Variants in HS6ST3 observed in about 807,000 individuals in gnomAD.
HS6ST3 encodes heparan-sulfate 6-O-sulfotransferase 3.
In HS6ST3, 12 loss-of-function variants were observed where a neutral mutation model predicts 36.7. That is an observed-to-expected ratio of 0.33 (90% CI 0.21 to 0.53). The LOEUF is 0.53. Ranked by LOEUF, HS6ST3 falls within the 20% of genes least tolerant of loss-of-function variation. HS6ST3 has a pLI of 0.95. For synonymous variants in HS6ST3, 240 were observed against 257.5 expected, an observed-to-expected ratio of 0.93 and a Z score of 0.65; for missense variants, 584 against 640.9, an observed-to-expected ratio of 0.91 and a Z score of 0.96.
At chr13:96,571,421 C>T (rs746666803) in intron 1 of HS6ST3, among the ~76,000 whole-genome samples, 15 of 152,116 alleles carry the variant, frequency 9.9e-5, no homozygotes, top group Admixed American at 2.0e-4. Flanking sequence ...CAATGATAAA[C>T]AATATCAGCA....
At chr13:96,630,839 G>A (rs1396099214) in intron 1 of HS6ST3, among the ~76,000 whole-genome samples, 1 of 151,980 alleles carries the variant, frequency 6.6e-6, no homozygotes, top group East Asian at 1.9e-4. Flanking sequence ...TTTTTCTTTT[G>A]GAAGGTTTTG....
At chr13:96,091,647 C>G in intron 1 of HS6ST3, 78 bp downstream of exon 1, 1 of 1,450,388 alleles carries the variant, frequency 6.9e-7, no homozygotes, top group Non-Finnish European at 9.1e-7. Context: ...AGAGCGACCC[C>G]GCGCTCCCTG....
At chr13:96,770,370 A>G (rs1050675942) in intron 1 of HS6ST3, among the ~76,000 whole-genome samples, 2 of 152,190 alleles carry the variant, frequency 1.3e-5, no homozygotes, top group African/African-American at 4.8e-5. Context: ...ATGCTGGCAT[A>G]TTCTGATTTT....
intron 1 of HS6ST3, among the ~76,000 whole-genome samples, chr13:96,598,745 T>C (rs2056411120): frequency 6.6e-6 from 1 of 152,172 alleles, no homozygotes. Context: ...CATCCTTGTC[T>C]TGCTCCAGTT....
chr13:96,374,784 T>A (rs1300537189), intron 1 of HS6ST3, among the ~76,000 whole-genome samples: 1 of 152,150 alleles, frequency 6.6e-6, no homozygotes, highest in African/African-American at 2.4e-5. Flanking sequence ...TTGTGCCTCA[T>A]GATCAATATC....
intron 1 of HS6ST3, among the ~76,000 whole-genome samples, chr13:96,569,914 A>G (rs758685090): frequency 1.3e-4 from 20 of 152,210 alleles, no homozygotes; most frequent in Admixed American, 2.0e-4. Context: ...TGGAAAGAGG[A>G]GACTGAGACC....
chr13:96,661,187 G>A (rs1013950917), intron 1 of HS6ST3, among the ~76,000 whole-genome samples: 1 of 152,062 alleles, frequency 6.6e-6, no homozygotes, highest in Admixed American at 6.6e-5. Flanking sequence ...GCCTATCATG[G>A]GATTTTGATT....
chr13:96,185,553 T>C (rs111399556), intron 1 of HS6ST3, among the ~76,000 whole-genome samples: 1,810 of 152,288 alleles, frequency 0.012, 33 homozygotes, highest in African/African-American at 0.042. Flanking sequence ...TCAAACATTC[T>C]GAAGTGCTAT....
intron 1 of HS6ST3, among the ~76,000 whole-genome samples, chr13:96,790,003 T>C (rs1032006819): frequency 6.6e-6 from 1 of 151,926 alleles, no homozygotes; most frequent in Non-Finnish European, 1.5e-5. Flanking sequence ...GTAATTTTTC[T>C]GCACCAAGCT....
intron 1 of HS6ST3, among the ~76,000 whole-genome samples, chr13:96,383,139 G>C (rs941757550): frequency 2.0e-5 from 3 of 152,160 alleles, no homozygotes; most frequent in Non-Finnish European, 2.9e-5. Context: ...AAGTTTGAGA[G>C]GTGAGATGGA....
intron 1 of HS6ST3, among the ~76,000 whole-genome samples, chr13:96,669,221 C>G (rs1359246076): frequency 1.3e-5 from 2 of 152,056 alleles, no homozygotes; most frequent in African/African-American, 4.8e-5. Flanking sequence ...TTTGTCTAGG[C>G]CAAGAAAGGT....
chr13:96,530,277 A>G (rs2056130506), intron 1 of HS6ST3, among the ~76,000 whole-genome samples: 1 of 152,180 alleles, frequency 6.6e-6, no homozygotes, highest in East Asian at 1.9e-4. Flanking sequence ...TAAGATTCCT[A>G]GGGATTAATG....
rs537786696 is a variant in HS6ST3, at chr13:96,606,478, A to G, written c.708-226012A>G. ...AAAGTGAATTAACACAGTAATGGAA[A>G]ACCAAATAGTATATGTTCTCACTTA... On this transcript the variant is annotated intron_variant, in intron 1 of 1. Coordinates refer to ENST00000376705, the MANE Select transcript of HS6ST3 (RefSeq NM_153456.4). Among the ~76,000 whole-genome samples the G allele has an allele frequency of 9.9e-5, 15 of 152,212 alleles. No homozygotes were observed. In the South Asian group the frequency reaches 2.3e-3, roughly 23 times the overall value.
At chr13:96,454,920 A>G (rs1241725112) in intron 1 of HS6ST3, among the ~76,000 whole-genome samples, 1 of 150,622 alleles carries the variant, frequency 6.6e-6, no homozygotes, top group Non-Finnish European at 1.5e-5. Context: ...GCAGAAGAGT[A>G]TACAATATCT....
intron 1 of HS6ST3, among the ~76,000 whole-genome samples, chr13:96,332,154 T>C (rs993968883): frequency 1.3e-5 from 2 of 152,214 alleles, no homozygotes; most frequent in Admixed American, 6.5e-5. Flanking sequence ...GTGTCGCTCG[T>C]GCTGGGAGCT....
chr13:96,448,736 TC>T (rs1486973576), intron 1 of HS6ST3, among the ~76,000 whole-genome samples: 3 of 152,038 alleles, frequency 2.0e-5, no homozygotes, highest in Admixed American at 6.6e-5. Flanking sequence ...CTACCTAATG[TC>T]TCTCTAACAA....
At chr13:96,439,469 G>A (rs2055659469) in intron 1 of HS6ST3, among the ~76,000 whole-genome samples, 1 of 152,180 alleles carries the variant, frequency 6.6e-6, no homozygotes, top group South Asian at 2.1e-4. Flanking sequence ...TAAATTAATT[G>A]TAAATCACAG....
At chr13:96,777,099 T>A (rs1178899340) in intron 1 of HS6ST3, among the ~76,000 whole-genome samples, 1 of 152,184 alleles carries the variant, frequency 6.6e-6, no homozygotes, top group African/African-American at 2.4e-5. Flanking sequence ...ACCACATGAT[T>A]ATCTCAATAG....
intron 1 of HS6ST3, among the ~76,000 whole-genome samples, chr13:96,593,309 G>A (rs1257962459): frequency 1.1e-4 from 16 of 141,930 alleles, no homozygotes; most frequent in Admixed American, 3.0e-4. Context: ...TCAGCCTCCC[G>A]AGTACCTGGG....
Sources: allele counts gnomAD v4.1 joint callset (sites outside exome capture counted in the v4.1 genomes callset), GRCh38; gene constraint gnomAD v4.1.1; transcripts MANE v1.5; gene names NCBI Gene and HGNC (gene_info 2026-07-23, HGNC 2026-07-21).